The following EXOC4 variants were observed in gnomAD, a reference collection of about 807,000 sequenced individuals.
The protein encoded by EXOC4 is SEC8-like 1.
A neutral mutation model predicts 107.2 loss-of-function variants in EXOC4; 71 were observed. The ratio of observed to expected loss-of-function variants is 0.66; its 90% CI spans 0.55 to 0.81. EXOC4 has a LOEUF of 0.81. EXOC4 is among the 30% of genes least tolerant of loss of function. The pLI, the probability that EXOC4 is intolerant of heterozygous loss-of-function variation, is 0.00. For synonymous variants in EXOC4, 456 were observed against 441.2 expected (o/e 1.03, Z -0.42); for missense variants, 1,108 against 1,189.6 (o/e 0.93, Z 1.01).
chr7:134,048,678 G>T (rs1473046501), intron 17 of EXOC4, among the ~76,000 whole-genome samples: 1 of 152,154 alleles, frequency 6.6e-6, no homozygotes, highest in Non-Finnish European at 1.5e-5. Context: ...TCTCAGTAAA[G>T]TTGTGTGTAT....
At chr7:133,917,792 TTAGC>T in intron 13 of EXOC4, 54 bp downstream of exon 13, 1 of 1,492,658 alleles carries the variant, frequency 6.7e-7, no homozygotes, top group South Asian at 1.3e-5. Context: ...GCACATCTGT[TTAGC>T]TAATATTTTT....
At chr7:133,446,891 G>A (rs1798233823) in intron 7 of EXOC4, among the ~76,000 whole-genome samples, 1 of 152,128 alleles carries the variant, frequency 6.6e-6, no homozygotes, top group Non-Finnish European at 1.5e-5. Context: ...CTGGCACTGG[G>A]CATTAGCCTA....
intron 4 of EXOC4, among the ~76,000 whole-genome samples, chr7:133,315,997 A>G (rs546632782): frequency 2.0e-4 from 30 of 152,218 alleles, no homozygotes; most frequent in Non-Finnish European, 3.7e-4. Flanking sequence ...CTCAAGGCCT[A>G]GGACAGTGGC....
chr7:133,563,236 T>G (rs577966083), intron 9 of EXOC4, among the ~76,000 whole-genome samples: 134 of 151,664 alleles, frequency 8.8e-4, no homozygotes, highest in South Asian at 2.7e-3. Flanking sequence ...GAAAGTTAGG[T>G]TTTTTTTTAA....
At chr7:133,658,759 A>T (rs575998538) in intron 10 of EXOC4, among the ~76,000 whole-genome samples, 2 of 152,272 alleles carry the variant, frequency 1.3e-5, no homozygotes, top group South Asian at 4.1e-4. Flanking sequence ...ATCTTGAGTA[A>T]AGGTAACAGA....
chr7:133,858,420 A>G (rs1179503842), intron 11 of EXOC4, among the ~76,000 whole-genome samples: 2 of 152,072 alleles, frequency 1.3e-5, no homozygotes, highest in East Asian at 3.9e-4. Flanking sequence ...TGATTGGTCC[A>G]TGGGTGGACC....
At chr7:133,390,883 G>A (rs1796837241) in intron 7 of EXOC4, among the ~76,000 whole-genome samples, 2 of 152,184 alleles carry the variant, frequency 1.3e-5, no homozygotes, top group Non-Finnish European at 2.9e-5. Context: ...GCAGAAGGAT[G>A]GCAAAATAAA....
chr7:133,570,769 C>A (rs1488301649), intron 9 of EXOC4, among the ~76,000 whole-genome samples: 1 of 152,172 alleles, frequency 6.6e-6, no homozygotes, highest in African/African-American at 2.4e-5. Context: ...GTGACTCACT[C>A]TACCTAGAGG....
At chr7:133,553,466 C>T (rs991678794) in intron 9 of EXOC4, among the ~76,000 whole-genome samples, 1 of 152,234 alleles carries the variant, frequency 6.6e-6, no homozygotes, top group Non-Finnish European at 1.5e-5. Flanking sequence ...ATACTCCTTC[C>T]TCCGATTTCA....
intron 6 of EXOC4, among the ~76,000 whole-genome samples, chr7:133,369,203 A>T (rs1432318929): frequency 1.3e-5 from 2 of 152,180 alleles, no homozygotes; most frequent in Non-Finnish European, 2.9e-5. Context: ...AATTGGGACA[A>T]GCTAGTGCAG....
intron 10 of EXOC4, among the ~76,000 whole-genome samples, chr7:133,741,060 C>T (rs754494544): frequency 4.6e-5 from 7 of 152,182 alleles, no homozygotes; most frequent in Non-Finnish European, 7.4e-5. Flanking sequence ...AAATCCAGCC[C>T]ATCTAACAAT....
chr7:133,716,320 A>C (rs1399533882), intron 10 of EXOC4, among the ~76,000 whole-genome samples: 3 of 152,198 alleles, frequency 2.0e-5, no homozygotes, highest in Non-Finnish European at 2.9e-5. Context: ...TGAAAAATGT[A>C]AGGGCTTGTT....
chr7:133,696,776 T>A (rs1794544199), intron 10 of EXOC4, among the ~76,000 whole-genome samples: 1 of 152,218 alleles, frequency 6.6e-6, no homozygotes, highest in African/African-American at 2.4e-5. Context: ...CACAATTTTA[T>A]TTAATTTCTT....
intron 10 of EXOC4, among the ~76,000 whole-genome samples, chr7:133,810,868 C>T (rs953847226): frequency 1.4e-4 from 22 of 152,012 alleles, no homozygotes; most frequent in African/African-American, 5.3e-4. Flanking sequence ...CTCCTGACCT[C>T]GTGATCTGCC....
At chr7:133,815,038 C>CCA (rs1395333453) in intron 10 of EXOC4, among the ~76,000 whole-genome samples, 1 of 152,034 alleles carries the variant, frequency 6.6e-6, no homozygotes, top group Non-Finnish European at 1.5e-5. Flanking sequence ...GTAAAAATGA[C>CCA]CATGCAAGCT....
intron 11 of EXOC4, among the ~76,000 whole-genome samples, chr7:133,832,186 T>A (rs899619494): frequency 3.9e-5 from 6 of 152,244 alleles, no homozygotes; most frequent in Admixed American, 1.3e-4. Flanking sequence ...TCATTTCTAG[T>A]GTTACTTAGG....
intron 10 of EXOC4, among the ~76,000 whole-genome samples, chr7:133,745,908 T>A (rs928779785): frequency 6.6e-6 from 1 of 152,118 alleles, no homozygotes; most frequent in African/African-American, 2.4e-5. Context: ...CTTCAATAAG[T>A]ACGTGTTAAG....
At chr7:133,444,991 C>T (rs990005664) in intron 7 of EXOC4, among the ~76,000 whole-genome samples, 39 of 152,030 alleles carry the variant, frequency 2.6e-4, no homozygotes, top group African/African-American at 8.2e-4. Context: ...TTAAATAGAA[C>T]AGATTTTTTG....
intron 15 of EXOC4, among the ~76,000 whole-genome samples, chr7:133,998,526 G>A (rs951140855): frequency 1.3e-5 from 2 of 152,164 alleles, no homozygotes; most frequent in Admixed American, 6.5e-5. Context: ...CAAGCTTGGC[G>A]GTTTTAAGAG....
Sources: gnomAD v4.1 joint callset for allele counts (sites outside exome capture counted in the v4.1 genomes callset) on GRCh38, gnomAD v4.1.1 for gene constraint, MANE v1.5 for transcripts, NCBI Gene and HGNC (gene_info 2026-07-23, HGNC 2026-07-21) for gene names.